The following BNC2 variants were observed in gnomAD, a reference collection of about 807,000 sequenced individuals.
BNC2 encodes the protein basonuclin zinc finger protein 2.
BNC2 carries 20 observed loss-of-function variants against 76.3 expected under a neutral mutation model. The observed-to-expected ratio is 0.26, with a 90% CI of 0.18 to 0.38. The LOEUF is 0.38. Among genes scored for constraint, BNC2 ranks in the 10% least tolerant of loss-of-function variants. BNC2 has a pLI of 1.00. For missense variants in BNC2, 1,382 were observed against 1,399.8 expected (o/e 0.99, Z 0.20); for synonymous variants, 582 against 514.8 (o/e 1.13, Z -1.77).
chr9:16,508,250 T>G (rs2131876853), intron 5 of BNC2, among the ~76,000 whole-genome samples: 1 of 152,338 alleles, frequency 6.6e-6, no homozygotes. Flanking sequence ...TCCTCAGGAC[T>G]TCTGGTCAAA....
At chr9:16,441,320 A>C (rs1821124311) in intron 5 of BNC2, among the ~76,000 whole-genome samples, 1 of 152,214 alleles carries the variant, frequency 6.6e-6, no homozygotes, top group East Asian at 1.9e-4. Context: ...AAAAATCATT[A>C]TCAATTTGAT....
At chr9:16,485,849 T>G (rs1400779675) in intron 5 of BNC2, among the ~76,000 whole-genome samples, 1 of 152,058 alleles carries the variant, frequency 6.6e-6, no homozygotes, top group Non-Finnish European at 1.5e-5. Flanking sequence ...TTCCAGGCAG[T>G]CCACAACCCT....
At chr9:16,677,758 T>G (rs972291001) in intron 3 of BNC2, among the ~76,000 whole-genome samples, 2 of 152,162 alleles carry the variant, frequency 1.3e-5, no homozygotes, top group Non-Finnish European at 2.9e-5. Flanking sequence ...TCTAGCTGGC[T>G]TTCACTAATA....
At position 16,411,432 on chromosome 9, in the gene BNC2, A is replaced by G. The variant is rs192254772; in HGVS notation, c.*7557T>C. 1 of 152,770 alleles carries G rather than the reference A, an allele frequency of 6.5e-6. No individual in the cohort carries two copies. Among genetic ancestry groups the G allele is most frequent in the East Asian group, 1.9e-4 (1 of 5,192 alleles). The allele number at this position is 152,770 out of a possible 1,614,324, so 9.5% of individuals were successfully genotyped here. ...TTAAAAAAGTGAAACAAAGCATTAA[A>G]AAAACTATTACAAACGTCCTTAAGC... On this transcript the variant is annotated 3_prime_UTR_variant, in exon 7 of 7. Transcript: ENST00000380672.
At chr9:16,713,657 G>A (rs1222494747) in intron 3 of BNC2, among the ~76,000 whole-genome samples, 10 of 152,042 alleles carry the variant, frequency 6.6e-5, no homozygotes. Flanking sequence ...TGCACTAACA[G>A]CTCCAGGGTA....
intron 1 of BNC2, among the ~76,000 whole-genome samples, chr9:16,764,536 T>C (rs2135406859): frequency 6.6e-6 from 1 of 152,310 alleles, no homozygotes; most frequent in South Asian, 2.1e-4. Flanking sequence ...ATGCCATAAA[T>C]TGTATTGGTT....
intron 4 of BNC2, among the ~76,000 whole-genome samples, chr9:16,558,843 A>T (rs966505250): frequency 6.6e-6 from 1 of 151,552 alleles, no homozygotes; most frequent in African/African-American, 2.4e-5. Context: ...CTGAAGCAGG[A>T]GAATCACTTG....
At chr9:16,529,876 T>C (rs1180723780) in intron 5 of BNC2, among the ~76,000 whole-genome samples, 1 of 152,128 alleles carries the variant, frequency 6.6e-6, no homozygotes, top group Middle Eastern at 3.4e-3. Context: ...TGAGATGGAG[T>C]CTCACTCTGT....
At chr9:16,672,132 G>C (rs1014697145) in intron 3 of BNC2, among the ~76,000 whole-genome samples, 3 of 152,110 alleles carry the variant, frequency 2.0e-5, no homozygotes, top group African/African-American at 7.2e-5. Context: ...GGAGATCTGG[G>C]GCACTCCTAT....
At chr9:16,736,004 C>T (rs1824656116) in intron 2 of BNC2, among the ~76,000 whole-genome samples, 1 of 151,490 alleles carries the variant, frequency 6.6e-6, no homozygotes, top group African/African-American at 2.4e-5. Context: ...GAGGCCAAGG[C>T]GGGTGGATCA....
intron 1 of BNC2, among the ~76,000 whole-genome samples, chr9:16,827,654 G>T (rs568019985): frequency 1.6e-4 from 24 of 152,276 alleles, no homozygotes; most frequent in South Asian, 1.5e-3. Flanking sequence ...AGTGGAATTT[G>T]TGAGTACTGG....
intron 3 of BNC2, among the ~76,000 whole-genome samples, chr9:16,719,207 T>A (rs1824076529): frequency 1.3e-5 from 2 of 152,162 alleles, no homozygotes. Context: ...ATCCCAGCCA[T>A]GTCCACTGAC....
At chr9:16,529,274 A>G (rs1317797404) in intron 5 of BNC2, among the ~76,000 whole-genome samples, 3 of 152,198 alleles carry the variant, frequency 2.0e-5, no homozygotes, top group Non-Finnish European at 4.4e-5. Flanking sequence ...AAGTGGGTAG[A>G]TATTTTTTGG....
In BNC2 at chr9:16,436,561, G is replaced by C. The variant is rs368368580; in HGVS notation, c.1633C>G (p.Pro545Ala). ...GRPPMGFTTP[P>A]LDPVLQNPLP... ...GGATTTTGCAAGACAGGGTCTAGAG[G>C]GGGAGTGGTAAAACCCATTGGGGGT... is the stretch of plus-strand genomic sequence containing the variant. The change falls in exon 6 of 7, where the codon CCT becomes GCT. Residue 545 changes from proline (P) to alanine (A), a missense_variant. Physicochemically the swap from Pro to Ala is conservative, Grantham distance 27. This residue lies in a region of BNC2 where 798 missense variants were observed against 775.5 expected (regional missense o/e 1.03). Transcript: ENST00000380672. The C allele has an allele frequency of 1.8e-5, 29 of 1,614,104 alleles. No individual in the cohort carries two copies. The highest frequency in any genetic ancestry group is 2.2e-5 in the South Asian group (2 of 91,082).
chr9:16,571,069 C>T (rs1472334104), intron 4 of BNC2, among the ~76,000 whole-genome samples: 1 of 151,964 alleles, frequency 6.6e-6, no homozygotes, highest in African/African-American at 2.4e-5. Flanking sequence ...GCAATTTTTC[C>T]TTGAGATATT....
At chr9:16,480,228 C>G (rs58611229) in intron 5 of BNC2, among the ~76,000 whole-genome samples, 1 of 152,238 alleles carries the variant, frequency 6.6e-6, no homozygotes, top group South Asian at 2.1e-4. Context: ...TAGCACTGCA[C>G]ACTTTTCGGC....
intron 1 of BNC2, among the ~76,000 whole-genome samples, chr9:16,774,564 C>T (rs2135488129): frequency 6.6e-6 from 1 of 152,310 alleles, no homozygotes; most frequent in East Asian, 1.9e-4. Flanking sequence ...ACTTTTAAAT[C>T]TCCATTGTGA....
chr9:16,855,616 C>A (rs1819234360), intron 1 of BNC2, among the ~76,000 whole-genome samples: 1 of 152,198 alleles, frequency 6.6e-6, no homozygotes, highest in South Asian at 2.1e-4. Flanking sequence ...CGGCTCACTG[C>A]AACCTCCACC....
chr9:16,685,946 A>C, intron 3 of BNC2, among the ~76,000 whole-genome samples: 1 of 152,192 alleles, frequency 6.6e-6, no homozygotes, highest in Admixed American at 6.5e-5. Flanking sequence ...GAAGGAAGGA[A>C]ATGCAGGGAT....
Sources: allele counts gnomAD v4.1 joint callset (sites outside exome capture counted in the v4.1 genomes callset), GRCh38; gene constraint gnomAD v4.1.1; regional missense constraint gnomAD v4.1.1; transcripts MANE v1.5; gene names NCBI Gene and HGNC (gene_info 2026-07-23, HGNC 2026-07-21).